ADAMTS3: variants seen among roughly 807,000 people sequenced by gnomAD.
ADAMTS3 encodes ADAM metallopeptidase with thrombospondin type 1 motif 3, also known as A disintegrin and metalloproteinase with thrombospondin motifs 3.
In ADAMTS3, 73 loss-of-function variants were observed where a neutral mutation model predicts 129.0. The observed-to-expected ratio is 0.57, with a 90% CI of 0.47 to 0.69. The LOEUF is 0.69. ADAMTS3 is among the 30% of genes least tolerant of loss of function. The pLI, the probability that ADAMTS3 is intolerant of heterozygous loss-of-function variation, is 0.00. For synonymous variants in ADAMTS3, 477 were observed against 510.8 expected, an observed-to-expected ratio of 0.93 and a Z score of 0.89; for missense variants, 1,457 against 1,514.5, an observed-to-expected ratio of 0.96 and a Z score of 0.63.
intron 4 of ADAMTS3, among the ~76,000 whole-genome samples, chr4:72,340,310 T>C (rs1447936135): frequency 1.0e-5 from 1 of 98,510 alleles, no homozygotes; most frequent in Non-Finnish European, 2.1e-5. Context: ...ATATACTATA[T>C]ACATAAGTGT....
chr4:72,399,309 T>C (rs1721813244), intron 4 of ADAMTS3, among the ~76,000 whole-genome samples: 1 of 152,138 alleles, frequency 6.6e-6, no homozygotes, highest in Non-Finnish European at 1.5e-5. Flanking sequence ...GGTGCACACC[T>C]GTAGTCCCAG....
chr4:72,562,946 C>G (rs755855207), intron 2 of ADAMTS3, among the ~76,000 whole-genome samples: 1 of 152,090 alleles, frequency 6.6e-6, no homozygotes, highest in Non-Finnish European at 1.5e-5. Context: ...AGCACAATAA[C>G]CCAACTCTTC....
chr4:72,479,156 C>T (rs1383541072), intron 3 of ADAMTS3, among the ~76,000 whole-genome samples: 3 of 152,282 alleles, frequency 2.0e-5, no homozygotes, highest in East Asian at 1.9e-4. Flanking sequence ...ACCCATCAAG[C>T]TACCAATGAC....
intron 21 of ADAMTS3, among the ~76,000 whole-genome samples, chr4:72,287,200 GACACTAAAT>G (rs1270236967): frequency 1.3e-5 from 2 of 152,044 alleles, no homozygotes; most frequent in Non-Finnish European, 2.9e-5. Context: ...GCCCTCACCA[GACACTAAAT>G]CTGCTGATGC....
chr4:72,481,041 T>C (rs891342432), intron 3 of ADAMTS3, among the ~76,000 whole-genome samples: 1 of 152,006 alleles, frequency 6.6e-6, no homozygotes, highest in Admixed American at 6.6e-5. Context: ...ACAATATTGG[T>C]GAAAGAAATC....
At chr4:72,351,502 C>T (rs1720435166) in intron 4 of ADAMTS3, among the ~76,000 whole-genome samples, 1 of 148,758 alleles carries the variant, frequency 6.7e-6, no homozygotes, top group Non-Finnish European at 1.5e-5. Context: ...TTGCAACACA[C>T]AGTATCATAT....
intron 2 of ADAMTS3, among the ~76,000 whole-genome samples, chr4:72,559,832 TTAA>T (rs1232276414): frequency 1.3e-5 from 2 of 151,642 alleles, no homozygotes; most frequent in Non-Finnish European, 2.9e-5. Flanking sequence ...CACAGAATTT[TTAA>T]AAAACTATTT....
intron 4 of ADAMTS3, among the ~76,000 whole-genome samples, chr4:72,349,295 T>C (rs940540576): frequency 2.0e-5 from 3 of 152,066 alleles, no homozygotes; most frequent in Non-Finnish European, 4.4e-5. Context: ...GTTATTATTG[T>C]TATGGCTGTT....
intron 2 of ADAMTS3, among the ~76,000 whole-genome samples, chr4:72,564,712 G>A (rs1721982467): frequency 6.6e-6 from 1 of 152,090 alleles, no homozygotes. Context: ...TCCTGCATGA[G>A]ACACTATATT....
At chr4:72,386,958 ATTAGAG>A (rs1450919616) in intron 4 of ADAMTS3, among the ~76,000 whole-genome samples, 4 of 152,252 alleles carry the variant, frequency 2.6e-5, no homozygotes, top group Admixed American at 6.5e-5. Flanking sequence ...TAATTGAAAC[ATTAGAG>A]TTAATTTACA....
chr4:72,291,454 T>C (rs1314363316), intron 19 of ADAMTS3, among the ~76,000 whole-genome samples: 1 of 137,662 alleles, frequency 7.3e-6, no homozygotes, highest in Non-Finnish European at 1.5e-5. Context: ...CCTGTGTCCA[T>C]GTGTTCTCAC....
intron 3 of ADAMTS3, among the ~76,000 whole-genome samples, chr4:72,514,342 T>G (rs779409182): frequency 2.0e-5 from 3 of 152,172 alleles, no homozygotes; most frequent in Non-Finnish European, 4.4e-5. Context: ...CTACAGTTTT[T>G]ATTTAGATGC....
chr4:72,430,628 C>T (rs1189273135), intron 3 of ADAMTS3, among the ~76,000 whole-genome samples: 2 of 151,944 alleles, frequency 1.3e-5, no homozygotes, highest in Non-Finnish European at 2.9e-5. Context: ...AGTAAATTAA[C>T]TGTTGTTTTA....
chr4:72,471,922 T>G (rs1719084883), intron 3 of ADAMTS3, among the ~76,000 whole-genome samples: 1 of 152,050 alleles, frequency 6.6e-6, no homozygotes, highest in African/African-American at 2.4e-5. Context: ...TCAAAAATTG[T>G]CAGAACTACT....
At chr4:72,511,724 A>C (rs1315655031) in intron 3 of ADAMTS3, among the ~76,000 whole-genome samples, 1 of 152,190 alleles carries the variant, frequency 6.6e-6, no homozygotes, top group Admixed American at 6.5e-5. Context: ...AAAACTAAAA[A>C]TAGAGCTACC....
At chr4:72,299,891 C>G (rs564271027) in intron 17 of ADAMTS3, among the ~76,000 whole-genome samples, 20 of 151,882 alleles carry the variant, frequency 1.3e-4, no homozygotes, top group Non-Finnish European at 2.8e-4. Context: ...CTCAGTTTGT[C>G]TCTTGCCTTT....
At chr4:72,451,074 C>G (rs1463909171) in intron 3 of ADAMTS3, among the ~76,000 whole-genome samples, 1 of 151,588 alleles carries the variant, frequency 6.6e-6, no homozygotes, top group Non-Finnish European at 1.5e-5. Flanking sequence ...ATTATTTTCA[C>G]TGTTGAAACA....
intron 20 of ADAMTS3, 63 bp from the exon 21 acceptor site, chr4:72,288,931 C>T (rs1241548092): frequency 3.6e-5 from 22 of 609,280 alleles, no homozygotes; most frequent in African/African-American, 1.2e-4. Context: ...CATACACACA[C>T]ACACACACAC....
At chr4:72,384,014 A>AATAT (rs142116399) in intron 4 of ADAMTS3, among the ~76,000 whole-genome samples, 1 of 151,564 alleles carries the variant, frequency 6.6e-6, no homozygotes, top group Non-Finnish European at 1.5e-5. Context: ...TAATACAATA[A>AATAT]ATATATATAT....
Sources: gnomAD v4.1 joint callset for allele counts (sites outside exome capture counted in the v4.1 genomes callset) on GRCh38, gnomAD v4.1.1 for gene constraint, MANE v1.5 for transcripts, NCBI Gene and HGNC (gene_info 2026-07-23, HGNC 2026-07-21) for gene names.